PLA2G4A: variants seen among roughly 807,000 people sequenced by gnomAD.
PLA2G4A encodes the protein phospholipase A2 group IVA, also known as cytosolic phospholipase A2.
In PLA2G4A, 40 loss-of-function variants were observed where a neutral mutation model predicts 81.9. The ratio of observed to expected loss-of-function variants is 0.49; its 90% CI spans 0.38 to 0.64. The LOEUF (loss-of-function observed/expected upper bound fraction) is 0.64. Ranked by LOEUF, PLA2G4A falls within the 30% of genes least tolerant of loss-of-function variation. PLA2G4A has a pLI of 0.00. For missense variants in PLA2G4A, 715 were observed against 905.1 expected, an observed-to-expected ratio of 0.79 and a Z score of 2.69; for synonymous variants, 302 against 296.9, an observed-to-expected ratio of 1.02 and a Z score of -0.18.
At chr1:186,922,660 C>T (rs1307407964) in intron 7 of PLA2G4A, among the ~76,000 whole-genome samples, 1 of 152,190 alleles carries the variant, frequency 6.6e-6, no homozygotes, top group Admixed American at 6.5e-5. Context: ...GCTTCCCAGT[C>T]AGGGAACCAA....
intron 5 of PLA2G4A, among the ~76,000 whole-genome samples, chr1:186,896,053 G>T (rs1351687041): frequency 6.6e-6 from 1 of 150,856 alleles, no homozygotes; most frequent in East Asian, 1.9e-4. Context: ...ATATTTTATG[G>T]TTCAGTATAT....
chr1:186,890,723 A>G (rs1430894281), intron 3 of PLA2G4A, among the ~76,000 whole-genome samples: 4 of 151,920 alleles, frequency 2.6e-5, no homozygotes, highest in Non-Finnish European at 5.9e-5. Context: ...GCATAGTGGC[A>G]TGTGCCTGTA....
chr1:186,943,361 A>T (rs1406931763), intron 10 of PLA2G4A, among the ~76,000 whole-genome samples: 3 of 152,236 alleles, frequency 2.0e-5, no homozygotes, highest in Admixed American at 2.0e-4. Flanking sequence ...TGGTGAATAA[A>T]CTGCATTTAT....
At chr1:186,922,998 A>G (rs183060266) in intron 7 of PLA2G4A, among the ~76,000 whole-genome samples, 230 of 152,336 alleles carry the variant, frequency 1.5e-3, no homozygotes, top group African/African-American at 5.3e-3. Context: ...TCAGTCGTCA[A>G]TGTTTAACTA....
Position 186,857,510 on chromosome 1 carries a change from TATATA to T in PLA2G4A, c.33+3135_33+3139del, listed in dbSNP as rs542195562. Among the ~76,000 whole-genome samples, 47 of 138,994 alleles carry T rather than the reference TATATA, an allele frequency of 3.4e-4. 1 individual carries two copies. In the East Asian group the frequency reaches 5.3e-3, roughly 16 times the overall value. The allele number at this position is 138,994 out of a possible 152,430, so 91.2% of individuals were successfully genotyped here. A position where few individuals can be genotyped will look rare whatever the true frequency, so the allele number is the denominator to read the frequency against. On this transcript the variant is annotated intron_variant, in intron 2 of 17. Coordinates refer to ENST00000367466, the MANE Select transcript of PLA2G4A (RefSeq NM_024420.3). ...ATATAACATAATATACTATATATAA[TATATA>T]ATATAATATAACTATAGAATATAAT...
intron 5 of PLA2G4A, among the ~76,000 whole-genome samples, chr1:186,898,871 A>T (rs1052797630): frequency 3.9e-5 from 6 of 152,188 alleles, no homozygotes; most frequent in Non-Finnish European, 8.8e-5. Flanking sequence ...AGTGCAGGCA[A>T]TGTGTGCAGT....
intron 2 of PLA2G4A, among the ~76,000 whole-genome samples, chr1:186,866,553 A>G (rs1426985884): frequency 6.6e-6 from 1 of 152,168 alleles, no homozygotes; most frequent in Non-Finnish European, 1.5e-5. Flanking sequence ...GTTCACATTC[A>G]ATGAGTCCTT....
In PLA2G4A at chr1:186,914,389, C is replaced by CAGACAAAAACCCCTCAGACACCG. The variant is rs767845314; in HGVS notation, c.558+3003_558+3025dup. On this transcript the variant is annotated intron_variant, in intron 7 of 17. Coordinates refer to ENST00000367466, the MANE Select transcript of PLA2G4A (RefSeq NM_024420.3). ...AGTGCTAGTGTAGCAGGACAAGCCA[C>CAGACAAAAACCCCTCAGACACCG]AGACAAAAACCCCTCAGACACCGAG... Among the ~76,000 whole-genome samples the CAGACAAAAACCCCTCAGACACCG allele has an allele frequency of 8.6e-5, 13 of 151,598 alleles. 1 individual carries two copies. The highest frequency in any genetic ancestry group is 7.2e-4 in the Admixed American group (11 of 15,242).
chr1:186,889,153 A>T (rs1654043759), intron 3 of PLA2G4A, among the ~76,000 whole-genome samples: 1 of 152,124 alleles, frequency 6.6e-6, no homozygotes, highest in African/African-American at 2.4e-5. Context: ...TCACCTTATC[A>T]TCCTTCCCAC....
At chr1:186,913,852 A>G (rs1029364500) in intron 7 of PLA2G4A, among the ~76,000 whole-genome samples, 1 of 152,172 alleles carries the variant, frequency 6.6e-6, no homozygotes, top group Non-Finnish European at 1.5e-5. Flanking sequence ...AGGGAGCCAA[A>G]TGATCACCCC....
chr1:186,846,689 C>T (rs1652186686), intron 1 of PLA2G4A, among the ~76,000 whole-genome samples: 1 of 152,166 alleles, frequency 6.6e-6, no homozygotes, highest in African/African-American at 2.4e-5. Context: ...ACATCGCTCA[C>T]ATTTAATGTT....
At chr1:186,902,604 G>A (rs1430381535) in intron 5 of PLA2G4A, among the ~76,000 whole-genome samples, 2 of 151,980 alleles carry the variant, frequency 1.3e-5, no homozygotes, top group Admixed American at 6.6e-5. Flanking sequence ...ACTGAAGAAC[G>A]ACAAAAGAAG....
intron 7 of PLA2G4A, among the ~76,000 whole-genome samples, chr1:186,918,160 G>A (rs577130805): frequency 1.3e-5 from 2 of 152,242 alleles, no homozygotes; most frequent in East Asian, 3.9e-4. Context: ...GAGTAAGGGG[G>A]CTGCTATCGA....
At chr1:186,978,752 A>G (rs1053144077) in intron 16 of PLA2G4A, among the ~76,000 whole-genome samples, 7 of 152,192 alleles carry the variant, frequency 4.6e-5, no homozygotes, top group African/African-American at 1.7e-4. Context: ...ATTCTGAGAA[A>G]AGGACTCAAG....
At chr1:186,875,223 A>C (rs1653422126) in intron 3 of PLA2G4A, among the ~76,000 whole-genome samples, 1 of 152,034 alleles carries the variant, frequency 6.6e-6, no homozygotes, top group African/African-American at 2.4e-5. Context: ...AGACTTTAAA[A>C]ATCCATGATG....
intron 7 of PLA2G4A, among the ~76,000 whole-genome samples, chr1:186,927,420 G>A (rs1655586646): frequency 1.3e-5 from 2 of 152,114 alleles, no homozygotes; most frequent in Admixed American, 1.3e-4. Context: ...ATAGTTTCTG[G>A]TCAGATAAAA....
chr1:186,916,930 C>T (rs565138820), intron 7 of PLA2G4A, among the ~76,000 whole-genome samples: 5 of 152,268 alleles, frequency 3.3e-5, no homozygotes, highest in Admixed American at 6.5e-5. Flanking sequence ...CCTCATGCTT[C>T]GGCTGTGCAT....
chr1:186,967,829 G>A (rs1571453639), intron 15 of PLA2G4A, among the ~76,000 whole-genome samples: 1 of 152,026 alleles, frequency 6.6e-6, no homozygotes, highest in South Asian at 2.1e-4. Context: ...CAGGACAATA[G>A]GAAATGGAGA....
intron 3 of PLA2G4A, among the ~76,000 whole-genome samples, chr1:186,885,931 T>C (rs1459944965): frequency 6.6e-6 from 1 of 151,894 alleles, no homozygotes; most frequent in East Asian, 1.9e-4. Context: ...ACAAAAAGCA[T>C]TGGGAAGAGA....
Sources: gnomAD v4.1 joint callset for allele counts (sites outside exome capture counted in the v4.1 genomes callset) on GRCh38, gnomAD v4.1.1 for gene constraint, MANE v1.5 for transcripts, NCBI Gene and HGNC (gene_info 2026-07-23, HGNC 2026-07-21) for gene names.